Variants in TMEM232 observed in about 807,000 individuals in gnomAD.
The protein encoded by TMEM232 is transmembrane protein 232.
In TMEM232, 80 loss-of-function variants were observed where a neutral mutation model predicts 78.8. The observed-to-expected ratio is 1.01, with a 90% CI of 0.85 to 1.22. The LOEUF (loss-of-function observed/expected upper bound fraction) is 1.22. Ranked by LOEUF, TMEM232 falls within the 50% of genes most tolerant of loss-of-function variation. The pLI, the probability that TMEM232 is intolerant of heterozygous loss-of-function variation, is 0.00. For synonymous variants in TMEM232, 297 were observed against 254.3 expected (o/e 1.17, Z -1.60); for missense variants, 881 against 742.2 (o/e 1.19, Z -2.17).
chr5:110,584,501 C>G (rs80297228), intron 10 of TMEM232, among the ~76,000 whole-genome samples: 5,153 of 151,948 alleles, frequency 0.034, 130 homozygotes, highest in African/African-American at 0.065. Context: ...TTGGTGGAGG[C>G]AATAAGAGAA....
chr5:110,440,084 G>T (rs986683526), intron 12 of TMEM232, among the ~76,000 whole-genome samples: 1 of 152,172 alleles, frequency 6.6e-6, no homozygotes, highest in African/African-American at 2.4e-5. Flanking sequence ...CCAGGCAGAG[G>T]ATTGGCTCCA....
chr5:110,515,418 G>C (rs889637324), intron 12 of TMEM232, among the ~76,000 whole-genome samples: 1 of 152,022 alleles, frequency 6.6e-6, no homozygotes, highest in East Asian at 1.9e-4. Context: ...CCATCATCCC[G>C]TCCCTTAGAT....
At position 110,407,991 on chromosome 5, in the gene TMEM232, G is replaced by A. The variant is rs138122112; in HGVS notation, n.309-10137C>T. ...GCTCCTGAACAGCCAATGGGTCAAT[G>A]AAATAATTACGAATGAAATTTAAAT... On this transcript the variant is annotated intron_variant and non_coding_transcript_variant, in intron 2 of 8. Coordinates refer to the TMEM232 transcript ENST00000507188. Among the ~76,000 whole-genome samples, 481 of 152,042 alleles carry A rather than the reference G, an allele frequency of 3.2e-3. 5 individuals carry two copies. Among genetic ancestry groups the A allele is most frequent in the African/African-American group, 0.011 (455 of 41,466 alleles).
intron 12 of TMEM232, among the ~76,000 whole-genome samples, chr5:110,428,666 A>AGAGTT (rs780506534): frequency 1.9e-4 from 29 of 151,332 alleles, no homozygotes; most frequent in Non-Finnish European, 3.8e-4. Context: ...TTTCCCCAGA[A>AGAGTT]GAGTTGAGTT....
At chr5:110,525,261 A>T (rs139462561) in intron 12 of TMEM232, among the ~76,000 whole-genome samples, 1 of 152,076 alleles carries the variant, frequency 6.6e-6, no homozygotes, top group Admixed American at 6.5e-5. Context: ...GGGCTAAAGT[A>T]TAAAAATCAG....
At chr5:110,551,134 A>C (rs1416553803) in intron 11 of TMEM232, among the ~76,000 whole-genome samples, 1 of 152,188 alleles carries the variant, frequency 6.6e-6, no homozygotes, top group Non-Finnish European at 1.5e-5. Context: ...TAGAATATGA[A>C]TAAGCCTTGA....
At chr5:110,538,178 T>C (rs757399590) in intron 11 of TMEM232, among the ~76,000 whole-genome samples, 1 of 152,222 alleles carries the variant, frequency 6.6e-6, no homozygotes, top group African/African-American at 2.4e-5. Flanking sequence ...CATGGACTTA[T>C]GGCAGGCTGG....
At chr5:110,698,939 C>T (rs371549922) in intron 1 of TMEM232, among the ~76,000 whole-genome samples, 2 of 152,020 alleles carry the variant, frequency 1.3e-5, no homozygotes, top group South Asian at 4.1e-4. Context: ...GACATTTGCT[C>T]CCTCCAGCCC....
intron 5 of TMEM232, among the ~76,000 whole-genome samples, chr5:110,632,348 C>A (rs1201969474): frequency 4.0e-5 from 6 of 149,352 alleles, no homozygotes; most frequent in African/African-American, 1.3e-4. Flanking sequence ...GAAAAAAAAA[C>A]AGGGAAAGAT....
intron 1 of TMEM232, among the ~76,000 whole-genome samples, chr5:110,705,743 T>C (rs1255528467): frequency 6.8e-6 from 1 of 146,416 alleles, no homozygotes; most frequent in Non-Finnish European, 1.5e-5. Flanking sequence ...CACATATGTG[T>C]GTGTGTGTGT....
chr5:110,451,742 T>C (rs1056207067), intron 12 of TMEM232, among the ~76,000 whole-genome samples: 2 of 152,144 alleles, frequency 1.3e-5, no homozygotes, highest in African/African-American at 4.8e-5. Context: ...AAAACTCTTA[T>C]AGCCCTTTAC....
At chr5:110,719,802 A>G (rs1306075750) in intron 1 of TMEM232, among the ~76,000 whole-genome samples, 1 of 151,272 alleles carries the variant, frequency 6.6e-6, no homozygotes, top group African/African-American at 2.4e-5. Context: ...CTTTTTCTCT[A>G]CTCTCTCTGT....
chr5:110,418,119 C>T (rs1045706781), downstream of TMEM232: 3 of 152,176 alleles, frequency 2.0e-5, no homozygotes, highest in Non-Finnish European at 4.4e-5. Flanking sequence ...TAGCAGTTTC[C>T]AGCAGCTACT....
At chr5:110,698,619 G>C (rs564559312) in intron 1 of TMEM232, among the ~76,000 whole-genome samples, 4 of 151,908 alleles carry the variant, frequency 2.6e-5, no homozygotes, top group African/African-American at 9.7e-5. Context: ...GGAACCACTG[G>C]GTTTACATGG....
intron 10 of TMEM232, among the ~76,000 whole-genome samples, chr5:110,604,906 G>A (rs563939450): frequency 5.9e-5 from 9 of 151,996 alleles, no homozygotes; most frequent in African/African-American, 1.7e-4. Flanking sequence ...CAGTGAGCAG[G>A]GATCACGCCA....
At chr5:110,589,774 A>T (rs1232818867) in intron 10 of TMEM232, among the ~76,000 whole-genome samples, 1 of 152,166 alleles carries the variant, frequency 6.6e-6, no homozygotes, top group African/African-American at 2.4e-5. Flanking sequence ...AATACATAAA[A>T]TAAAGTTAAT....
chr5:110,599,433 A>T (rs995386567), intron 10 of TMEM232, among the ~76,000 whole-genome samples: 2 of 152,176 alleles, frequency 1.3e-5, no homozygotes, highest in African/African-American at 4.8e-5. Flanking sequence ...CCCATCTCAC[A>T]TGCAAAGACA....
intron 12 of TMEM232, among the ~76,000 whole-genome samples, chr5:110,446,055 CTGCCTTCCATAGGGGT>C (rs1395692426): frequency 6.6e-6 from 1 of 152,174 alleles, no homozygotes; most frequent in African/African-American, 2.4e-5. Flanking sequence ...ATCTTAGAGG[CTGCCTTCCATAGGGGT>C]GAAGCCATTT....
intron 1 of TMEM232, among the ~76,000 whole-genome samples, chr5:110,687,831 C>G (rs901115924): frequency 6.6e-6 from 1 of 151,906 alleles, no homozygotes; most frequent in East Asian, 1.9e-4. Flanking sequence ...AATGGATTAT[C>G]TTATTCATTT....
Sources: allele counts gnomAD v4.1 joint callset (sites outside exome capture counted in the v4.1 genomes callset), GRCh38; gene constraint gnomAD v4.1.1; transcripts MANE v1.5; gene names NCBI Gene and HGNC (gene_info 2026-07-23, HGNC 2026-07-21).